Variants in FAM168B observed in about 807,000 individuals in gnomAD.
The protein encoded by FAM168B is family with sequence similarity 168 member B, also known as myelin-associated neurite-outgrowth inhibitor.
In FAM168B, 19 loss-of-function variants were observed where a neutral mutation model predicts 21.8. The observed-to-expected ratio is 0.87, with a 90% CI of 0.61 to 1.28. FAM168B has a LOEUF of 1.28. Among genes scored for constraint, FAM168B ranks in the 50% most tolerant of loss-of-function variants. FAM168B has a pLI of 0.00. For synonymous variants in FAM168B, 126 were observed against 104.8 expected, an observed-to-expected ratio of 1.20 and a Z score of -1.24; for missense variants, 233 against 263.1, an observed-to-expected ratio of 0.89 and a Z score of 0.79.
chr2:131,048,398 T>C lies in FAM168B; in HGVS notation c.*4067A>G, dbSNP rs1326962201. 4 of 1,273,632 alleles carry C rather than the reference T, an allele frequency of 3.1e-6. No individual in the cohort carries two copies. The Admixed American group carries it at 9.6e-5, about 31-fold the overall frequency. 78.9% of individuals were successfully genotyped at this position (1,273,632 alleles called of 1,614,324 possible). On this transcript the variant is annotated 3_prime_UTR_variant, in exon 7 of 7. Coordinates refer to ENST00000389915, the MANE Select transcript of FAM168B (RefSeq NM_001009993.4). ...CAGTCCTGGGAGCACACCACCCTTC[T>C]GCAGGCCCGGGGGGGGGTCCCTACA... is the stretch of plus-strand genomic sequence containing the variant.
chr2:131,077,851 G>C (rs1034674045), intron 2 of FAM168B, among the ~76,000 whole-genome samples: 4 of 152,172 alleles, frequency 2.6e-5, no homozygotes, highest in Non-Finnish European at 4.4e-5. Context: ...GAAACGCAGA[G>C]TTTTCCTTAC....
At position 131,050,925 on chromosome 2, in the gene FAM168B, C is replaced by G; in HGVS notation, c.*1540G>C. On this transcript the variant is annotated 3_prime_UTR_variant, in exon 7 of 7. Coordinates refer to ENST00000389915, the MANE Select transcript of FAM168B (RefSeq NM_001009993.4). ...GGGACCCAGGCCTTACATCCCCCACCCCCACTCTGACCCTCACTGAGAACC... is the reference window on the plus strand; with the variant it reads ...GGGACCCAGGCCTTACATCCCCCACGCCCACTCTGACCCTCACTGAGAACC... 1.0e-6 allele frequency: 1 copy of G among 985,780 alleles called. No homozygotes were observed. The allele number at this position is 985,780 out of a possible 1,614,324, so 61.1% of individuals were successfully genotyped here.
chr2:131,058,723 TAC>T (rs780898076), intron 3 of FAM168B, among the ~76,000 whole-genome samples: 1 of 152,166 alleles, frequency 6.6e-6, no homozygotes, highest in South Asian at 2.1e-4. Flanking sequence ...CAAGAGCAGT[TAC>T]AGAGTTTCCT....
At chr2:131,058,556 G>A (rs545250693) in intron 3 of FAM168B, among the ~76,000 whole-genome samples, 63 of 152,172 alleles carry the variant, frequency 4.1e-4, no homozygotes, top group African/African-American at 1.5e-3. Context: ...ATTCCTCCAG[G>A]GCTCCCTGTA....
chr2:131,084,629 T>C lies in FAM168B; in HGVS notation c.-11-1972A>G, dbSNP rs561512031. Among the ~76,000 whole-genome samples the C allele has an allele frequency of 6.6e-5, 10 of 152,272 alleles. No homozygotes were observed. The South Asian group carries it at 1.9e-3, about 28-fold the overall frequency. Reference sequence around the variant, plus strand: ...ATGGATCTTTCTTTTTCCTGACAAGTTCAAGAACTTGCACAGCCACAACCA... The same window carrying C: ...ATGGATCTTTCTTTTTCCTGACAAGCTCAAGAACTTGCACAGCCACAACCA... On this transcript the variant is annotated intron_variant, in intron 1 of 6. Transcript: ENST00000389915.
At chr2:131,083,001 A>G (rs1472707364) in intron 1 of FAM168B, among the ~76,000 whole-genome samples, 1 of 152,144 alleles carries the variant, frequency 6.6e-6, no homozygotes, top group Non-Finnish European at 1.5e-5. Flanking sequence ...TGGGCAGATC[A>G]CCTGAGGTCA....
At chr2:131,067,641 G>A (rs1351161843) in intron 3 of FAM168B, among the ~76,000 whole-genome samples, 1 of 152,116 alleles carries the variant, frequency 6.6e-6, no homozygotes, top group Non-Finnish European at 1.5e-5. Flanking sequence ...TACTTGGGAA[G>A]CTGAGGCAGG....
chr2:131,065,189 G>A (rs914523690), intron 3 of FAM168B, among the ~76,000 whole-genome samples: 7 of 152,304 alleles, frequency 4.6e-5, no homozygotes, highest in African/African-American at 1.4e-4. Flanking sequence ...GTGGAAGCAC[G>A]GAAGGCACGA....
chr2:131,080,409 G>A (rs1693375502), intron 2 of FAM168B, among the ~76,000 whole-genome samples: 1 of 151,356 alleles, frequency 6.6e-6, no homozygotes, highest in African/African-American at 2.4e-5. Flanking sequence ...AGGCTCAGGA[G>A]AGCGGATCAC....
At chr2:131,055,216 C>T (rs946167919) in intron 5 of FAM168B, 56 bp downstream of exon 5, 3 of 1,411,348 alleles carry the variant, frequency 2.1e-6, no homozygotes, top group Admixed American at 5.7e-5. Context: ...TGAGCTCTCC[C>T]CTCCCCCAGC....
chr2:131,086,528 C>T (rs915525561), intron 1 of FAM168B, among the ~76,000 whole-genome samples: 5 of 152,094 alleles, frequency 3.3e-5, no homozygotes, highest in African/African-American at 7.2e-5. Flanking sequence ...TCCAGGAGTT[C>T]GAGGCTGCAG....
At chr2:131,077,219 A>C (rs1159207359) in intron 2 of FAM168B, among the ~76,000 whole-genome samples, 1 of 151,104 alleles carries the variant, frequency 6.6e-6, no homozygotes, top group Non-Finnish European at 1.5e-5. Flanking sequence ...ATTTAAAAAA[A>C]AAAAAAAAAA....
intron 2 of FAM168B, among the ~76,000 whole-genome samples, chr2:131,074,075 C>T (rs1693014137): frequency 6.6e-6 from 1 of 152,182 alleles, no homozygotes; most frequent in Admixed American, 6.5e-5. Context: ...TTGGGCTGAC[C>T]CCTCTGGCTC....
intron 2 of FAM168B, among the ~76,000 whole-genome samples, chr2:131,079,717 G>A (rs1226418745): frequency 1.3e-5 from 2 of 151,898 alleles, no homozygotes; most frequent in African/African-American, 4.8e-5. Flanking sequence ...ACCTGTTATA[G>A]CAGCCACAAA....
At chr2:131,072,529 C>T (rs575900250) in intron 2 of FAM168B, among the ~76,000 whole-genome samples, 3 of 150,658 alleles carry the variant, frequency 2.0e-5, no homozygotes, top group Non-Finnish European at 4.4e-5. Flanking sequence ...TGCAGTGGCG[C>T]GACCTCGGCT....
rs34730768 is a variant in FAM168B at position 131,088,965 on chromosome 2, C to CTT, written c.-12+4247_-12+4248dup. On this transcript the variant is annotated intron_variant, in intron 1 of 6. Transcript: ENST00000389915. ...CCAAGGCTGGATCTAGAGCGTACCA[C>CTT]TTTTTTTTTTTTTTTTTGAGACAGA... Among the ~76,000 whole-genome samples the CTT allele has an allele frequency of 6.3e-3, 885 of 139,930 alleles. 13 individuals are homozygous for CTT. The highest frequency in any genetic ancestry group is 0.021 in the African/African-American group (806 of 37,936). The allele number at this position is 139,930 out of a possible 152,430, so 91.8% of individuals were successfully genotyped here. A position where few individuals can be genotyped will look rare whatever the true frequency, so the allele number is the denominator to read the frequency against.
intron 3 of FAM168B, among the ~76,000 whole-genome samples, chr2:131,061,841 C>G (rs1436057196): frequency 3.3e-5 from 5 of 151,466 alleles, no homozygotes; most frequent in African/African-American, 4.8e-5. Flanking sequence ...TTTAAAAAGG[C>G]CATCAGCAGG....
At chr2:131,078,140 C>T (rs1237750267) in intron 2 of FAM168B, among the ~76,000 whole-genome samples, 1 of 152,110 alleles carries the variant, frequency 6.6e-6, no homozygotes, top group Non-Finnish European at 1.5e-5. Context: ...ACCAGGCATG[C>T]CAAGACAGGA....
At chr2:131,072,922 A>G (rs1692945892) in intron 2 of FAM168B, among the ~76,000 whole-genome samples, 2 of 152,178 alleles carry the variant, frequency 1.3e-5, no homozygotes, top group Admixed American at 1.3e-4. Flanking sequence ...CTTGGACTCA[A>G]GGGCCTATTT....
Sources: gnomAD v4.1 joint callset for allele counts (sites outside exome capture counted in the v4.1 genomes callset) on GRCh38, gnomAD v4.1.1 for gene constraint, MANE v1.5 for transcripts, NCBI Gene and HGNC (gene_info 2026-07-23, HGNC 2026-07-21) for gene names.